The following AGAP1 variants were observed in gnomAD, a reference collection of about 807,000 sequenced individuals.
AGAP1 encodes the protein ArfGAP with GTPase domain, ankyrin repeat and PH domain 1.
AGAP1 carries 29 observed loss-of-function variants against 105.3 expected under a neutral mutation model. The ratio of observed to expected loss-of-function variants is 0.28; its 90% CI spans 0.21 to 0.38. AGAP1 has a LOEUF of 0.38. AGAP1 is among the 10% of genes least tolerant of loss of function. The pLI is 1.00. For missense variants in AGAP1, 998 were observed against 1,165.1 expected (o/e 0.86, Z 2.09); for synonymous variants, 509 against 485.9 (o/e 1.05, Z -0.63).
chr2:235,751,478 G>A lies in AGAP1; in HGVS notation c.673+990G>A, dbSNP rs1039838312. Among the ~76,000 whole-genome samples, 3 of 152,172 alleles carry A rather than the reference G, an allele frequency of 2.0e-5. No homozygotes were observed. Among genetic ancestry groups the A allele is most frequent in the Admixed American group, 1.3e-4 (2 of 15,282 alleles). On this transcript the variant is annotated intron_variant, in intron 6 of 17. Transcript: ENST00000304032. This position sits in a 1 kb window ranked among gnomAD's most constrained non-coding sequence, Gnocchi z 5.3. Reference sequence around the variant, plus strand: ...AGTGCTGGAGCCGCTTCAAGGTGATGGAGGACTCGCCGCGCTCTGACCTTG... The same window carrying A: ...AGTGCTGGAGCCGCTTCAAGGTGATAGAGGACTCGCCGCGCTCTGACCTTG...
At position 235,788,740 on chromosome 2, in the gene AGAP1, T is replaced by TGG. The variant is rs1415021761; in HGVS notation, c.674-9018_674-9017dup. Among the ~76,000 whole-genome samples, 2 of 151,892 alleles carry TGG rather than the reference T, an allele frequency of 1.3e-5. No homozygotes were observed. Among genetic ancestry groups the TGG allele is most frequent in the Non-Finnish European group, 2.9e-5 (2 of 67,960 alleles). ...CATTTGGAGCCCCTTCTTTCCCAAA[T>TGG]GGTGGGGAGAAGTGCTGGCGGAAGC... On this transcript the variant is annotated intron_variant, in intron 6 of 17. Transcript: ENST00000304032. The surrounding 1 kb of genome is among the most constrained non-coding windows in gnomAD (Gnocchi z 6.0).
chr2:236,019,158 T>G (rs1480340372), intron 13 of AGAP1, among the ~76,000 whole-genome samples: 2 of 152,184 alleles, frequency 1.3e-5, no homozygotes, highest in Admixed American at 6.5e-5. Flanking sequence ...GGCCCACATC[T>G]GAGAATGATG....
rs537185003 is a variant in AGAP1, at chr2:236,062,017, G to A, written c.2114+12736G>A. Among the ~76,000 whole-genome samples the A allele has an allele frequency of 2.0e-5, 3 of 152,292 alleles. No individual in the cohort carries two copies. The highest frequency in any genetic ancestry group is 2.1e-4 in the South Asian group (1 of 4,826). ...GCCTGGGTGCGGGCCGAGGGCTGGCGTGGCTGCCCCTCCTCAGGCCTGGGG... is the reference window on the plus strand; with the variant it reads ...GCCTGGGTGCGGGCCGAGGGCTGGCATGGCTGCCCCTCCTCAGGCCTGGGG... On this transcript the variant is annotated intron_variant, in intron 16 of 17. Coordinates refer to ENST00000304032, the MANE Select transcript of AGAP1 (RefSeq NM_001037131.3). This position sits in a 1 kb window ranked among gnomAD's most constrained non-coding sequence, Gnocchi z 4.2.
intron 6 of AGAP1, among the ~76,000 whole-genome samples, chr2:235,794,477 AAATTT>A (rs1254637775): frequency 1.3e-5 from 2 of 152,058 alleles, no homozygotes; most frequent in Non-Finnish European, 2.9e-5. Flanking sequence ...TTTTTAAATT[AAATTT>A]AATTTTTTTG....
rs145991084 is a variant in AGAP1, at chr2:236,062,436, T to TTTGTTGTTGTTGTTGTTG, written c.2114+13164_2114+13181dup. ...CTAGGAGCATACTCAGGACTCGTAT[T>TTTGTTGTTGTTGTTGTTG]TTGTTGTTGTTGTTGTTGTTGTTGT... On this transcript the variant is annotated intron_variant, in intron 16 of 17. Transcript: ENST00000304032. The surrounding 1 kb of genome is among the most constrained non-coding windows in gnomAD (Gnocchi z 4.2). Among the ~76,000 whole-genome samples, 245 of 151,022 alleles carry TTTGTTGTTGTTGTTGTTG rather than the reference T, an allele frequency of 1.6e-3. 1 individual carries two copies. The highest frequency in any genetic ancestry group is 5.6e-3 in the African/African-American group (229 of 40,944).
At chr2:235,715,383 C>T (rs1197979712) in intron 2 of AGAP1, among the ~76,000 whole-genome samples, 1 of 150,574 alleles carries the variant, frequency 6.6e-6, no homozygotes, top group East Asian at 2.0e-4. Context: ...CCCAGGGCCT[C>T]ACCAGCCACT....
At chr2:235,836,965 G>T (rs2106371730) in intron 9 of AGAP1, among the ~76,000 whole-genome samples, 1 of 152,040 alleles carries the variant, frequency 6.6e-6, no homozygotes, top group South Asian at 2.1e-4. Context: ...AGAGTTCAAG[G>T]GTTTTTTGTT....
At chr2:235,836,861 G>A (rs1960224792) in intron 9 of AGAP1, among the ~76,000 whole-genome samples, 1 of 152,186 alleles carries the variant, frequency 6.6e-6, no homozygotes, top group South Asian at 2.1e-4. Context: ...GGAGGAACGG[G>A]TTACACTGGT....
At position 235,733,633 on chromosome 2, in the gene AGAP1, T is replaced by C. The variant is rs1952074914; in HGVS notation, c.311-7330T>C. ...TGGCTTTTTTCTTGTTCTGTGTTCC[T>C]TTTGTACCTTACTTAGATCTCGGTT... On this transcript the variant is annotated intron_variant, in intron 3 of 17. Coordinates refer to ENST00000304032, the MANE Select transcript of AGAP1 (RefSeq NM_001037131.3). This position sits in a 1 kb window ranked among gnomAD's most constrained non-coding sequence, Gnocchi z 5.0. 6.6e-6 allele frequency among the ~76,000 whole-genome samples: 1 copy of C among 152,202 alleles called. No homozygotes were observed. Among genetic ancestry groups the C allele is most frequent in the Admixed American group, 6.5e-5 (1 of 15,284 alleles).
At chr2:235,637,785 A>C (rs1335907084) in intron 1 of AGAP1, among the ~76,000 whole-genome samples, 2 of 152,172 alleles carry the variant, frequency 1.3e-5, no homozygotes, top group Non-Finnish European at 2.9e-5. Context: ...GGAGGTCCAG[A>C]AGCCTCATGA....
At position 235,732,904 on chromosome 2, in the gene AGAP1, C is replaced by A. The variant is rs1483602766; in HGVS notation, c.311-8059C>A. Among the ~76,000 whole-genome samples the A allele has an allele frequency of 5.9e-5, 9 of 152,216 alleles. No individual in the cohort carries two copies. Among genetic ancestry groups the A allele is most frequent in the Admixed American group, 5.9e-4 (9 of 15,288 alleles). On this transcript the variant is annotated intron_variant, in intron 3 of 17. Coordinates refer to ENST00000304032, the MANE Select transcript of AGAP1 (RefSeq NM_001037131.3). This position sits in a 1 kb window ranked among gnomAD's most constrained non-coding sequence, Gnocchi z 4.8. ...CCCATTTGCCAGACCTCAGCCACCT[C>A]CCCCAGCCAGCCCCAGGGGTGTTGG...
At chr2:235,841,477 A>G (rs1183743841) in intron 9 of AGAP1, among the ~76,000 whole-genome samples, 8 of 152,106 alleles carry the variant, frequency 5.3e-5, no homozygotes, top group African/African-American at 1.9e-4. Context: ...ACAAATAAAC[A>G]GATTAGCCAG....
intron 16 of AGAP1, among the ~76,000 whole-genome samples, chr2:236,112,206 C>A (rs1448516535): frequency 2.0e-5 from 3 of 151,924 alleles, no homozygotes; most frequent in Non-Finnish European, 4.4e-5. Flanking sequence ...ACCTGAGGTC[C>A]ATAGTTTGAG....
chr2:235,528,683 G>A (rs1942937109), intron 1 of AGAP1, among the ~76,000 whole-genome samples: 2 of 152,060 alleles, frequency 1.3e-5, no homozygotes, highest in African/African-American at 4.8e-5. Flanking sequence ...TTAATTTTTT[G>A]TTTGTTTTGA....
intron 4 of AGAP1, among the ~76,000 whole-genome samples, chr2:235,743,187 T>C (rs906831179): frequency 6.6e-6 from 1 of 152,120 alleles, no homozygotes; most frequent in Non-Finnish European, 1.5e-5. Flanking sequence ...CCCCAAAGCA[T>C]AGTTTCAGTT....
intron 1 of AGAP1, among the ~76,000 whole-genome samples, chr2:235,693,536 T>C (rs1483968403): frequency 6.6e-6 from 1 of 152,128 alleles, no homozygotes; most frequent in Non-Finnish European, 1.5e-5. Context: ...ACCACAGTCA[T>C]GCGAAGGCAT....
At position 235,811,045 on chromosome 2, in the gene AGAP1, A is replaced by G. The variant is rs1394376914; in HGVS notation, c.1050+3714A>G. ...CCATTTGCATAAATCTTGTTAAGTC[A>G]ATGGCAGTTAATGAAGTACAAATGA... is the stretch of plus-strand genomic sequence containing the variant. On this transcript the variant is annotated intron_variant, in intron 9 of 17. Coordinates refer to ENST00000304032, the MANE Select transcript of AGAP1 (RefSeq NM_001037131.3). 2.6e-5 allele frequency among the ~76,000 whole-genome samples: 4 copies of G among 152,230 alleles called. No homozygotes were observed. The East Asian group carries it at 7.7e-4, about 29-fold the overall frequency.
At chr2:236,102,146 G>A (rs7591934) in intron 16 of AGAP1, among the ~76,000 whole-genome samples, 63 of 152,262 alleles carry the variant, frequency 4.1e-4, no homozygotes, top group South Asian at 2.5e-3. Context: ...GGCCGGGCGC[G>A]GTGGCTCACG....
chr2:235,605,557 G>A (rs1945902045), intron 1 of AGAP1, among the ~76,000 whole-genome samples: 1 of 152,190 alleles, frequency 6.6e-6, no homozygotes, highest in African/African-American at 2.4e-5. Context: ...CAAGGCACGT[G>A]TGGGTCCCTA....
Sources: allele counts gnomAD v4.1 joint callset (sites outside exome capture counted in the v4.1 genomes callset), GRCh38; gene constraint gnomAD v4.1.1; non-coding constraint Gnocchi (gnomAD v3.1); transcripts MANE v1.5; gene names NCBI Gene and HGNC (gene_info 2026-07-23, HGNC 2026-07-21).